Variants in RMI1 observed in about 807,000 individuals in gnomAD.
The protein encoded by RMI1 is RecQ mediated genome instability 1.
RMI1 carries 36 observed loss-of-function variants against 46.7 expected under a neutral mutation model. That is an observed-to-expected ratio of 0.77 (90% CI 0.59 to 1.02). RMI1 has a LOEUF of 1.02. Ranked by LOEUF, RMI1 falls within the 50% of genes least tolerant of loss-of-function variation. The probability of loss-of-function intolerance (pLI) is 0.00; values close to 1 mark genes in which losing one functional copy is unlikely to be tolerated. For synonymous variants in RMI1, 250 were observed against 252.9 expected (o/e 0.99, Z 0.11); for missense variants, 676 against 713.7 (o/e 0.95, Z 0.60).
chr9:83,996,901 AT>A (rs1386993733), intron 1 of RMI1, among the ~76,000 whole-genome samples: 1 of 151,930 alleles, frequency 6.6e-6, no homozygotes, highest in East Asian at 1.9e-4. Flanking sequence ...TTAATCAGGC[AT>A]TTATAAACAA....
At chr9:83,981,860 A>C (rs1957408603) in intron 1 of RMI1, among the ~76,000 whole-genome samples, 1 of 152,160 alleles carries the variant, frequency 6.6e-6, no homozygotes, top group Non-Finnish European at 1.5e-5. Flanking sequence ...CTTTTACTTG[A>C]CTGATTAGAG....
intron 1 of RMI1, among the ~76,000 whole-genome samples, chr9:83,988,042 C>T (rs1166220836): frequency 1.3e-5 from 2 of 151,790 alleles, no homozygotes; most frequent in African/African-American, 4.8e-5. Context: ...TGTGCCACCA[C>T]ACTCAGTTTT....
In RMI1 at chr9:84,001,457, T is replaced by G. The variant is rs373570313; in HGVS notation, c.471T>G (p.Leu157=). The G allele has an allele frequency of 1.9e-4, 309 of 1,614,084 alleles. 1 individual carries two copies. Among genetic ancestry groups the G allele is most frequent in the Admixed American group, 1.4e-3 (86 of 60,014 alleles). ...QGMEYQPIPI[L]HSDLPPGTKI... is the part of the protein sequence containing the mutation. Reference sequence around the variant, plus strand: ...TGGAATATCAGCCTATTCCAATTCTTCATAGTGATCTTCCTCCAGGTACAA... The same window carrying G: ...TGGAATATCAGCCTATTCCAATTCTGCATAGTGATCTTCCTCCAGGTACAA... Residue 157 remains leucine (L), a synonymous_variant, in exon 3 of 3, where the codon CTT becomes CTG. Transcript: ENST00000445877.
At chr9:84,000,660 G>GT (rs1297962921) in intron 2 of RMI1, among the ~76,000 whole-genome samples, 1 of 152,144 alleles carries the variant, frequency 6.6e-6, no homozygotes, top group Non-Finnish European at 1.5e-5. Context: ...ATAGATGGTA[G>GT]TGTTGACATT....
rs1564086625 is a variant in RMI1, at chr9:84,002,286, G to A, written c.1300G>A (p.Asp434Asn). ...TAAAATAAAACAAACCAGCAGTTCA[G>A]ATAGCCATTCCTTAAATAATAAAAT... Reference protein sequence around the residue: ...DNKIKQTSSSDSHSLNNKILN... With the variant: ...DNKIKQTSSSNSHSLNNKILN... Residue 434 changes from aspartate (D) to asparagine (N), a missense_variant, in exon 3 of 3, where the codon GAT becomes AAT. By Grantham distance (23) the Asp-to-Asn change is conservative (BLOSUM62 1). Coordinates refer to ENST00000445877, the MANE Select transcript of RMI1 (RefSeq NM_001358291.2). The A allele has an allele frequency of 6.2e-7, 1 of 1,603,698 alleles. No individual in the cohort carries two copies. The highest frequency in any genetic ancestry group is 1.3e-5 in the African/African-American group (1 of 74,380).
At chr9:83,997,341 C>T (rs1478041296) in intron 1 of RMI1, among the ~76,000 whole-genome samples, 1 of 151,728 alleles carries the variant, frequency 6.6e-6, no homozygotes, top group Non-Finnish European at 1.5e-5. Flanking sequence ...GAACTCTCGA[C>T]CTCAGGTGAT....
At chr9:84,000,857 C>A in intron 2 of RMI1, 94 bp from the exon 3 acceptor site, 1 of 642,660 alleles carries the variant, frequency 1.6e-6, no homozygotes, top group Non-Finnish European at 2.6e-6. Context: ...AGTGAAAAAT[C>A]TAAAGGGTGT....
At chr9:83,999,198 T>A (rs1017475933) in intron 1 of RMI1, among the ~76,000 whole-genome samples, 23 of 140,362 alleles carry the variant, frequency 1.6e-4, no homozygotes, top group East Asian at 4.3e-4. Context: ...TAAAAAAAAA[T>A]AAAATAACAA....
Position 84,002,053 on chromosome 9 carries a change from C to T in RMI1, c.1067C>T (p.Pro356Leu). The T allele has an allele frequency of 1.2e-6, 2 of 1,613,756 alleles. No individual in the cohort carries two copies. Among genetic ancestry groups the T allele is most frequent in the Non-Finnish European group, 1.7e-6 (2 of 1,179,840 alleles). Residue 356 changes from proline to leucine, a missense_variant, in exon 3 of 3, where the codon CCT (proline) becomes CTT (leucine). Transcript: ENST00000445877. Reference sequence around the variant, plus strand: ...AGTATAGAGAGATTTTCACATAATCCTAATACTACGAATAACTTTTCTTTG... The same window carrying T: ...AGTATAGAGAGATTTTCACATAATCTTAATACTACGAATAACTTTTCTTTG... ...DRSIERFSHN[P>L]NTTNNFSLTC...
At chr9:83,989,189 T>C (rs1480809093) in intron 1 of RMI1, among the ~76,000 whole-genome samples, 1 of 152,172 alleles carries the variant, frequency 6.6e-6, no homozygotes, top group African/African-American at 2.4e-5. Flanking sequence ...CTTTCTTATT[T>C]TGTGGATTAA....
At chr9:83,988,682 G>C (rs1957527027) in intron 1 of RMI1, among the ~76,000 whole-genome samples, 1 of 152,198 alleles carries the variant, frequency 6.6e-6, no homozygotes, top group Non-Finnish European at 1.5e-5. Flanking sequence ...CTAGCAATGA[G>C]AATTCTAGTA....
chr9:84,002,504 A>T lies in RMI1; in HGVS notation c.1518A>T (p.Thr506=), dbSNP rs1957754268. The T allele has an allele frequency of 6.2e-7, 1 of 1,614,040 alleles. No individual in the cohort carries two copies. Among genetic ancestry groups the T allele is most frequent in the African/African-American group, 1.3e-5 (1 of 75,050 alleles). ...VLMASKPKEV[T]TVKVKAFIVT... ...TGGCCAGCAAACCAAAGGAAGTTAC[A>T]ACAGTGAAAGTGAAAGCATTTATTG... Residue 506 remains threonine (T), a synonymous_variant, in exon 3 of 3, where the codon ACA becomes ACT. Coordinates refer to ENST00000445877, the MANE Select transcript of RMI1 (RefSeq NM_001358291.2).
intron 2 of RMI1, 141 bp from the exon 3 acceptor site, chr9:84,000,810 T>G (rs1038415930): frequency 5.8e-6 from 3 of 521,598 alleles, no homozygotes; most frequent in Non-Finnish European, 1.0e-5. Flanking sequence ...TCTGATTATG[T>G]GTAGTGTTTC....
intron 1 of RMI1, among the ~76,000 whole-genome samples, chr9:83,991,038 C>T (rs1391796246): frequency 1.3e-5 from 2 of 152,128 alleles, no homozygotes; most frequent in African/African-American, 4.8e-5. Flanking sequence ...AACTCCCGAC[C>T]TCAGGTGATC....
At chr9:83,980,767 G>C (rs1957359005), upstream of RMI1, 1 of 152,386 alleles carries the variant, frequency 6.6e-6, no homozygotes, top group African/African-American at 2.4e-5. Flanking sequence ...GGAGGGGCGC[G>C]AGCGCGCGGC....
intron 1 of RMI1, among the ~76,000 whole-genome samples, chr9:83,984,961 A>G (rs1040065938): frequency 1.8e-4 from 27 of 152,200 alleles, no homozygotes; most frequent in Admixed American, 1.5e-3. Flanking sequence ...TGTTCTTTGC[A>G]CATGGGAATT....
In RMI1 at chr9:84,003,463, A is replaced by G. The variant is rs1484828682; in HGVS notation, c.*599A>G. Reference sequence around the variant, plus strand: ...GTGAGTCATATTTTTGAAAGTTAATAATTATAAATAGGTAATTTCCTTCTA... The same window carrying G: ...GTGAGTCATATTTTTGAAAGTTAATGATTATAAATAGGTAATTTCCTTCTA... On this transcript the variant is annotated 3_prime_UTR_variant, in exon 3 of 3. Transcript: ENST00000445877. 1 of 167,084 alleles carries G rather than the reference A, an allele frequency of 6.0e-6. No homozygotes were observed. Among genetic ancestry groups the G allele is most frequent in the African/African-American group, 2.4e-5 (1 of 41,438 alleles). 10.4% of individuals were successfully genotyped at this position (167,084 alleles called of 1,614,324 possible).
chr9:83,997,530 A>T (rs774044805), intron 1 of RMI1, among the ~76,000 whole-genome samples: 25 of 151,770 alleles, frequency 1.6e-4, no homozygotes, highest in Non-Finnish European at 1.6e-4. Flanking sequence ...GTCAGAGAGG[A>T]GTGAGGAGGG....
At chr9:83,991,027 G>T (rs1457956330) in intron 1 of RMI1, among the ~76,000 whole-genome samples, 1 of 151,990 alleles carries the variant, frequency 6.6e-6, no homozygotes, top group African/African-American at 2.4e-5. Flanking sequence ...GGCTGGTCTC[G>T]AACTCCCGAC....
Sources: gnomAD v4.1 joint callset for allele counts (sites outside exome capture counted in the v4.1 genomes callset) on GRCh38, gnomAD v4.1.1 for gene constraint, MANE v1.5 for transcripts, NCBI Gene and HGNC (gene_info 2026-07-23, HGNC 2026-07-21) for gene names.